SNTG1: variants seen among roughly 807,000 people sequenced by gnomAD.
The protein encoded by SNTG1 is syntrophin gamma 1, also known as gamma-1-syntrophin.
In SNTG1, 39 loss-of-function variants were observed where a neutral mutation model predicts 74.7. That is an observed-to-expected ratio of 0.52 (90% CI 0.40 to 0.68). SNTG1 has a LOEUF of 0.68. Ranked by LOEUF, SNTG1 falls within the 30% of genes least tolerant of loss-of-function variation. SNTG1 has a pLI of 0.00. For synonymous variants in SNTG1, 254 were observed against 217.1 expected, an observed-to-expected ratio of 1.17 and a Z score of -1.49; for missense variants, 685 against 609.5, an observed-to-expected ratio of 1.12 and a Z score of -1.30.
intron 15 of SNTG1, among the ~76,000 whole-genome samples, chr8:50,680,104 C>T (rs949304795): frequency 4.6e-5 from 7 of 152,124 alleles, no homozygotes; most frequent in African/African-American, 4.8e-5. Context: ...TCTGAGGATA[C>T]TAATTGACTC....
intron 1 of SNTG1, among the ~76,000 whole-genome samples, chr8:50,000,749 C>A (rs1814668535): frequency 6.6e-6 from 1 of 152,180 alleles, no homozygotes; most frequent in South Asian, 2.1e-4. Flanking sequence ...AAAATAACTG[C>A]TCCCTGCTAG....
chr8:50,018,095 G>A, intron 1 of SNTG1, among the ~76,000 whole-genome samples: 1 of 151,914 alleles, frequency 6.6e-6, no homozygotes, highest in Non-Finnish European at 1.5e-5. Context: ...AATATACCTT[G>A]CATTAATCTA....
At position 50,438,549 on chromosome 8, in the gene SNTG1, A is replaced by T. The variant is rs1168349894; in HGVS notation, c.169A>T (p.Thr57Ser). The T allele has an allele frequency of 6.2e-7, 1 of 1,613,184 alleles. No homozygotes were observed. The highest frequency in any genetic ancestry group is 2.2e-5 in the East Asian group (1 of 44,774). Reference sequence around the variant, plus strand: ...TAAAAATCCTGTCTTTCAGGAAAGAACGGTGACCATCAGAAGACAAACAGT... The same window carrying T: ...TAAAAATCCTGTCTTTCAGGAAAGATCGGTGACCATCAGAAGACAAACAGT... ...SGEPFYSGERTVTIRRQTVGG... is the reference protein window; with the variant it reads ...SGEPFYSGERSVTIRRQTVGG... Residue 57 changes from threonine to serine, a missense_variant, in exon 5 of 19, where the codon ACG becomes TCG. By Grantham distance (58) the Thr-to-Ser change is moderately conservative (BLOSUM62 1). Transcript: ENST00000642720.
chr8:50,744,384 T>C (rs1398271515), intron 17 of SNTG1, among the ~76,000 whole-genome samples: 1 of 151,906 alleles, frequency 6.6e-6, no homozygotes, highest in Non-Finnish European at 1.5e-5. Context: ...ACCAAGTAGG[T>C]GAAAGTCTTG....
intron 2 of SNTG1, among the ~76,000 whole-genome samples, chr8:50,387,132 TGCCTTG>T (rs759700005): frequency 6.6e-6 from 1 of 152,192 alleles, no homozygotes; most frequent in Non-Finnish European, 1.5e-5. Context: ...CTCTGATTAC[TGCCTTG>T]GCCCTGATTT....
intron 1 of SNTG1, among the ~76,000 whole-genome samples, chr8:50,068,630 G>A (rs986652171): frequency 2.6e-5 from 4 of 152,094 alleles, no homozygotes; most frequent in East Asian, 1.9e-4. Flanking sequence ...GATTTATCTC[G>A]CTTATTTTCT....
chr8:50,434,743 C>T (rs891522373), intron 4 of SNTG1, among the ~76,000 whole-genome samples: 7 of 151,998 alleles, frequency 4.6e-5, no homozygotes, highest in African/African-American at 1.7e-4. Flanking sequence ...AATTAGAGGC[C>T]ATCATCCTCA....
At chr8:50,109,630 G>A (rs1424676511) in intron 1 of SNTG1, among the ~76,000 whole-genome samples, 1 of 152,180 alleles carries the variant, frequency 6.6e-6, no homozygotes. Flanking sequence ...CCATTGAGTG[G>A]TCTCATTCAA....
chr8:50,352,342 C>T (rs1290282913), intron 2 of SNTG1, among the ~76,000 whole-genome samples: 1 of 152,010 alleles, frequency 6.6e-6, no homozygotes, highest in Admixed American at 6.6e-5. Context: ...CCCCAGGAAG[C>T]ACAGTTATTC....
chr8:50,477,472 T>C (rs1016364032), intron 8 of SNTG1, among the ~76,000 whole-genome samples: 1 of 151,970 alleles, frequency 6.6e-6, no homozygotes, highest in Non-Finnish European at 1.5e-5. Context: ...CCAATACATC[T>C]CAAACAGTTA....
intron 2 of SNTG1, among the ~76,000 whole-genome samples, chr8:50,378,385 C>G (rs1471864370): frequency 6.6e-6 from 1 of 152,150 alleles, no homozygotes; most frequent in East Asian, 1.9e-4. Flanking sequence ...ACTGAAGGGC[C>G]ACAGCTCTTC....
At chr8:50,530,948 C>A (rs2094261789) in intron 10 of SNTG1, among the ~76,000 whole-genome samples, 1 of 152,144 alleles carries the variant, frequency 6.6e-6, no homozygotes, top group Admixed American at 6.5e-5. Flanking sequence ...TAACAATCAT[C>A]TTTCATGCTT....
intron 8 of SNTG1, among the ~76,000 whole-genome samples, chr8:50,456,082 A>T (rs1264689069): frequency 6.6e-6 from 1 of 152,162 alleles, no homozygotes; most frequent in East Asian, 1.9e-4. Flanking sequence ...AAGAAATAAA[A>T]TATCCTTGCC....
At chr8:50,684,536 A>T (rs959764070) in intron 15 of SNTG1, among the ~76,000 whole-genome samples, 2 of 152,128 alleles carry the variant, frequency 1.3e-5, no homozygotes, top group African/African-American at 4.8e-5. Context: ...GTCAATCAAA[A>T]AAATAATGAA....
rs1392477518 is a variant in SNTG1, at chr8:49,911,996, G to A, written c.-338G>A. The A allele has an allele frequency of 6.6e-6, 1 of 152,254 alleles. No individual in the cohort carries two copies. Among genetic ancestry groups the A allele is most frequent in the Non-Finnish European group, 1.5e-5 (1 of 68,130 alleles). 9.4% of individuals were successfully genotyped at this position (152,254 alleles called of 1,614,324 possible). ...AACTTCAAGAATCATTTTTCTATAG[G>A]GGTCTGGGAGGAATTCTGGAGGAGA... On this transcript the variant is annotated 5_prime_UTR_variant, in exon 1 of 19. Transcript: ENST00000642720.
chr8:50,761,762 T>C (rs1213702754), intron 18 of SNTG1, among the ~76,000 whole-genome samples: 2 of 152,006 alleles, frequency 1.3e-5, no homozygotes, highest in African/African-American at 4.8e-5. Context: ...AGTTTTATGT[T>C]TCTGAATGGC....
chr8:49,976,270 C>CTTT (rs1812183484), intron 1 of SNTG1, among the ~76,000 whole-genome samples: 2 of 152,010 alleles, frequency 1.3e-5, no homozygotes, highest in Non-Finnish European at 2.9e-5. Context: ...TTTTTTGTTT[C>CTTT]ATAAAGTGAT....
intron 15 of SNTG1, among the ~76,000 whole-genome samples, chr8:50,660,233 G>A (rs1244405430): frequency 7.7e-6 from 1 of 130,252 alleles, no homozygotes; most frequent in African/African-American, 3.4e-5. Context: ...GAAAAGAAAA[G>A]GAAAGAAGGA....
At chr8:50,136,175 T>C (rs1586426953) in intron 1 of SNTG1, among the ~76,000 whole-genome samples, 1 of 152,204 alleles carries the variant, frequency 6.6e-6, no homozygotes, top group East Asian at 1.9e-4. Context: ...TTTAGGTTGA[T>C]TTCATGGCTT....
Sources: gnomAD v4.1 joint callset for allele counts (sites outside exome capture counted in the v4.1 genomes callset) on GRCh38, gnomAD v4.1.1 for gene constraint, MANE v1.5 for transcripts, NCBI Gene and HGNC (gene_info 2026-07-23, HGNC 2026-07-21) for gene names.